WDR33: variants seen among roughly 807,000 people sequenced by gnomAD.
WDR33 encodes the protein pre-mRNA 3' end processing protein WDR33.
A neutral mutation model predicts 164.9 loss-of-function variants in WDR33; 47 were observed. That is an observed-to-expected ratio of 0.29 (90% confidence interval 0.23 to 0.36). The LOEUF (loss-of-function observed/expected upper bound fraction) is 0.36, where lower values mean the gene tolerates loss of function less well. Ranked by LOEUF, WDR33 falls within the 10% of genes least tolerant of loss-of-function variation. The pLI is 1.00. For synonymous variants in WDR33, 505 were observed against 589.0 expected (o/e 0.86, Z 2.06); for missense variants, 1,137 against 1,754.1 (o/e 0.65, Z 6.28).
At chr2:127,778,674 C>A (rs1054500502) in intron 1 of WDR33, among the ~76,000 whole-genome samples, 37 of 152,006 alleles carry the variant, frequency 2.4e-4, no homozygotes, top group African/African-American at 8.7e-4. Flanking sequence ...ACTTACAGCA[C>A]CAATCAGCCT....
At chr2:127,711,286 G>T (rs55907339) in intron 18 of WDR33, among the ~76,000 whole-genome samples, 3 of 152,036 alleles carry the variant, frequency 2.0e-5, no homozygotes, top group East Asian at 1.9e-4. Flanking sequence ...TTAGCTGGGC[G>T]TGGTGGCGCG....
At chr2:127,729,492 ATTC>A (rs1372557519) in intron 7 of WDR33, among the ~76,000 whole-genome samples, 2 of 146,620 alleles carry the variant, frequency 1.4e-5, no homozygotes, top group Non-Finnish European at 3.1e-5. Flanking sequence ...GGGAGAGACT[ATTC>A]TTTTTTTTTT....
rs10178450 is a variant in WDR33 at position 127,763,646 on chromosome 2, A to G, written c.627-487T>C. 4,714 of 987,260 alleles carry G rather than the reference A, an allele frequency of 4.8e-3. 181 individuals carry two copies. The African/African-American group carries it at 0.078, about 16-fold the overall frequency. 61.2% of individuals were successfully genotyped at this position (987,260 alleles called of 1,614,324 possible). On this transcript the variant is annotated intron_variant, in intron 6 of 21. Transcript: ENST00000322313. The surrounding 1 kb of genome is among the most constrained non-coding windows in gnomAD (Gnocchi z 4.5). ...CTGATTGCTAAACATCCCTACATAC[A>G]ATGTTTCTCATCCATTTCAAAGGTC...
rs975218211 is a variant in WDR33, at chr2:127,717,497, C to G, written c.2761-234G>C. ...ACTTTTATGTAAAATTAGATCTTTACTCGTAATGCCAAAAAAGAACATCAA... is the reference window on the plus strand; with the variant it reads ...ACTTTTATGTAAAATTAGATCTTTAGTCGTAATGCCAAAAAAGAACATCAA... On this transcript the variant is annotated intron_variant, in intron 16 of 21. Transcript: ENST00000322313. This position sits in a 1 kb window ranked among gnomAD's most constrained non-coding sequence, Gnocchi z 5.6. Among the ~76,000 whole-genome samples the G allele has an allele frequency of 1.3e-5, 2 of 152,126 alleles. No homozygotes were observed. Among genetic ancestry groups the G allele is most frequent in the African/African-American group, 4.8e-5 (2 of 41,424 alleles).
chr2:127,766,987 G>A (rs1217932565), intron 4 of WDR33, among the ~76,000 whole-genome samples: 2 of 152,060 alleles, frequency 1.3e-5, no homozygotes, highest in African/African-American at 2.4e-5. Context: ...TCAAACTCCC[G>A]ACCGCAGGTG....
intron 7 of WDR33, chr2:127,737,241 C>T: frequency 2.0e-6 from 2 of 985,046 alleles, no homozygotes; most frequent in East Asian, 1.1e-4. Context: ...TTGATATTAA[C>T]ACCAATATCA....
At chr2:127,782,367 C>T (rs1167725175) in intron 1 of WDR33, among the ~76,000 whole-genome samples, 1 of 152,102 alleles carries the variant, frequency 6.6e-6, no homozygotes, top group Non-Finnish European at 1.5e-5. Context: ...GAGATTGCAC[C>T]ACTGCACTCC....
chr2:127,805,874 G>C (rs1482410872), intron 1 of WDR33, among the ~76,000 whole-genome samples: 1 of 151,450 alleles, frequency 6.6e-6, no homozygotes, highest in African/African-American at 2.4e-5. Context: ...CATAATATCT[G>C]TTGCCACCTA....
At chr2:127,807,739 T>C (rs1031553644) in intron 1 of WDR33, among the ~76,000 whole-genome samples, 1 of 152,062 alleles carries the variant, frequency 6.6e-6, no homozygotes, top group Non-Finnish European at 1.5e-5. Context: ...TGTAGAAAAT[T>C]CATTCTTCAA....
intron 1 of WDR33, among the ~76,000 whole-genome samples, chr2:127,782,186 C>A (rs1335481431): frequency 6.6e-6 from 1 of 151,962 alleles, no homozygotes. Context: ...GCAGGAGGGT[C>A]ATTTGAGGTC....
chr2:127,777,461 A>AATTT (rs1282602189), intron 1 of WDR33, among the ~76,000 whole-genome samples: 4 of 152,240 alleles, frequency 2.6e-5, no homozygotes, highest in African/African-American at 9.6e-5. Flanking sequence ...AAGGCCAGTC[A>AATTT]ATTTCTCCAT....
chr2:127,725,015 G>A (rs1264704558), intron 9 of WDR33, 46 bp downstream of exon 9: 1 of 1,614,058 alleles, frequency 6.2e-7, no homozygotes, highest in African/African-American at 1.3e-5. Flanking sequence ...ATCTGAGAAT[G>A]TTACAGGTAA....
At chr2:127,772,959 CAAA>C (rs72149745) in intron 1 of WDR33, among the ~76,000 whole-genome samples, 2,306 of 117,184 alleles carry the variant, frequency 0.02, 50 homozygotes, top group African/African-American at 0.066. Flanking sequence ...TCCATCTCTA[CAAA>C]AAAAAAAAAA....
rs1005808219 is a variant in WDR33, at chr2:127,722,320, A to G, written c.1518+271T>C. Among the ~76,000 whole-genome samples the G allele has an allele frequency of 2.0e-4, 30 of 152,022 alleles. 1 individual carries two copies. The highest frequency in any genetic ancestry group is 2.0e-3 in the Admixed American group (30 of 15,258). ...AAACAATGGAGAAGAGAAGCAACAT[A>G]CTCCCATACTCCCTCTGCTCCATGC... On this transcript the variant is annotated intron_variant, in intron 14 of 21. Coordinates refer to ENST00000322313, the MANE Select transcript of WDR33 (RefSeq NM_018383.5). The surrounding 1 kb of genome is among the most constrained non-coding windows in gnomAD (Gnocchi z 5.1).
rs765619306 is a variant in WDR33 at position 127,709,810 on chromosome 2, T to C, written c.3355A>G (p.Arg1119Gly). The C allele has an allele frequency of 6.2e-7, 1 of 1,614,156 alleles. No homozygotes were observed. The highest frequency in any genetic ancestry group is 8.5e-7 in the Non-Finnish European group (1 of 1,180,030). Residue 1119 changes from arginine to glycine, a missense_variant, in exon 19 of 22, where the codon AGA (arginine) becomes GGA (glycine). By Grantham distance (125) the Arg-to-Gly change is moderately radical. Coordinates refer to ENST00000322313, the MANE Select transcript of WDR33 (RefSeq NM_018383.5). The surrounding 1 kb of genome is among the most constrained non-coding windows in gnomAD (Gnocchi z 5.0). Reference sequence around the variant, plus strand: ...GGACCAGGAAAACCATCCCTTCCTCTGGGGGGAGCACGGCCCTCATGCCTC... The same window carrying C: ...GGACCAGGAAAACCATCCCTTCCTCCGGGGGGAGCACGGCCCTCATGCCTC... The part of the protein sequence containing the change: ...PPRHEGRAPP[R>G]GRDGFPGPED...
At chr2:127,791,765 T>G (rs2105480943) in intron 1 of WDR33, among the ~76,000 whole-genome samples, 1 of 152,308 alleles carries the variant, frequency 6.6e-6, no homozygotes, top group South Asian at 2.1e-4. Context: ...GTGACATTCT[T>G]AAGTGAAATT....
intron 7 of WDR33, among the ~76,000 whole-genome samples, chr2:127,742,783 T>C (rs1157988187): frequency 6.9e-6 from 1 of 144,434 alleles, no homozygotes; most frequent in Non-Finnish European, 1.5e-5. Flanking sequence ...ATCCTTTAAA[T>C]GGAAAAAAGA....
At chr2:127,715,566 TC>T (rs1686280755) in intron 17 of WDR33, among the ~76,000 whole-genome samples, 2 of 152,326 alleles carry the variant, frequency 1.3e-5, no homozygotes, top group South Asian at 4.1e-4. Context: ...TTTGCAAAGA[TC>T]CTAGCTCCAT....
rs927406016 is a variant in WDR33, at chr2:127,735,488, CT to C, written c.725-8712del. 1.7e-5 allele frequency: 17 copies of C among 984,580 alleles called. No individual in the cohort carries two copies. In the African/African-American group the frequency reaches 3.0e-4, roughly 17 times the overall value. 61.0% of individuals were successfully genotyped at this position (984,580 alleles called of 1,614,324 possible). On this transcript the variant is annotated intron_variant, in intron 7 of 21. Transcript: ENST00000322313. The surrounding 1 kb of genome is among the most constrained non-coding windows in gnomAD (Gnocchi z 4.3). ...TTATGAACAAATCTTAAAAAAAATTCTTTTATACAAAACTTATAAAAAGCAC... is the reference window on the plus strand; with the variant it reads ...TTATGAACAAATCTTAAAAAAAATTCTTTATACAAAACTTATAAAAAGCAC...
Sources: allele counts gnomAD v4.1 joint callset (sites outside exome capture counted in the v4.1 genomes callset), GRCh38; gene constraint gnomAD v4.1.1; non-coding constraint Gnocchi (gnomAD v3.1); transcripts MANE v1.5; gene names NCBI Gene and HGNC (gene_info 2026-07-23, HGNC 2026-07-21).